CBR4: variants seen among roughly 807,000 people sequenced by gnomAD.
CBR4 encodes the protein 3-oxoacyl-[acyl-carrier-protein] reductase.
CBR4 carries 22 observed loss-of-function variants against 21.0 expected under a neutral mutation model. That is an observed-to-expected ratio of 1.05 (90% CI 0.75 to 1.50). CBR4 has a LOEUF of 1.50. Among genes scored for constraint, CBR4 ranks in the 40% most tolerant of loss-of-function variants. The pLI, the probability that CBR4 is intolerant of heterozygous loss-of-function variation, is 0.00. For synonymous variants in CBR4, 100 were observed against 104.4 expected (o/e 0.96, Z 0.26); for missense variants, 302 against 286.3 (o/e 1.05, Z -0.40).
intron 4 of CBR4, chr4:169,001,352 A>G (rs1457349087): frequency 6.6e-6 from 1 of 152,122 alleles, no homozygotes; most frequent in Admixed American, 6.6e-5. Context: ...TAGCTGTGTA[A>G]CCTTAGGCAA....
intron 2 of CBR4, among the ~76,000 whole-genome samples, chr4:168,943,838 A>G (rs1763327437): frequency 1.3e-5 from 2 of 151,478 alleles, no homozygotes; most frequent in Non-Finnish European, 2.9e-5. Flanking sequence ...TGAACCCGAG[A>G]GGTGGGGGCT....
chr4:168,943,911 A>T (rs1204681387), intron 2 of CBR4, among the ~76,000 whole-genome samples: 1 of 152,140 alleles, frequency 6.6e-6, no homozygotes, highest in Non-Finnish European at 1.5e-5. Context: ...CTCTGTCTCA[A>T]AACAAAACAA....
intron 4 of CBR4, among the ~76,000 whole-genome samples, chr4:168,993,159 T>G (rs1363278019): frequency 6.6e-6 from 1 of 151,148 alleles, no homozygotes; most frequent in East Asian, 1.9e-4. Flanking sequence ...AAGAACAATA[T>G]CATGGGGGTT....
intron 4 of CBR4, among the ~76,000 whole-genome samples, chr4:168,996,903 T>C (rs76148652): frequency 0.012 from 1,754 of 152,282 alleles, 18 homozygotes; most frequent in Non-Finnish European, 0.019. Flanking sequence ...GGACATGACA[T>C]ATAAATGGTC....
exon 3 of CBR4, chr4:168,894,734 C>G: frequency 6.3e-7 from 1 of 1,581,346 alleles, no homozygotes; most frequent in Non-Finnish European, 8.6e-7. Flanking sequence ...CCTTTTCCAT[C>G]TTCCTTATGG....
chr4:168,968,128 C>A (rs1003028320), intron 2 of CBR4, among the ~76,000 whole-genome samples: 1 of 152,170 alleles, frequency 6.6e-6, no homozygotes, highest in African/African-American at 2.4e-5. Flanking sequence ...TAAAAGTCAT[C>A]ATTTGAGGTT....
intron 2 of CBR4, among the ~76,000 whole-genome samples, chr4:168,902,914 G>T (rs554913376): frequency 6.6e-6 from 1 of 152,034 alleles, no homozygotes; most frequent in African/African-American, 2.4e-5. Context: ...TAGGGCTATA[G>T]ACATGCACCA....
At chr4:168,903,157 A>G (rs1756910620) in intron 2 of CBR4, among the ~76,000 whole-genome samples, 1 of 147,090 alleles carries the variant, frequency 6.8e-6, no homozygotes, top group Non-Finnish European at 1.5e-5. Flanking sequence ...GGGATAGGTG[A>G]CAAACATTTA....
chr4:169,009,839 G>C (rs1261323718), intron 1 of CBR4, 109 bp downstream of exon 1: 2 of 1,047,470 alleles, frequency 1.9e-6, no homozygotes, highest in Non-Finnish European at 2.7e-6. Context: ...CGGCTACATC[G>C]AGTAACCCTA....
chr4:169,002,443 A>G (rs937289050), intron 3 of CBR4, among the ~76,000 whole-genome samples: 1 of 152,214 alleles, frequency 6.6e-6, no homozygotes, highest in East Asian at 1.9e-4. Context: ...CAAAACTGCC[A>G]ATGCAGGTGC....
chr4:168,908,170 C>T (rs977607964), intron 2 of CBR4, among the ~76,000 whole-genome samples: 7 of 152,234 alleles, frequency 4.6e-5, no homozygotes, highest in African/African-American at 1.7e-4. Context: ...AGTAAAACCC[C>T]TTCTTTTCTG....
In CBR4 at chr4:168,989,721, A is replaced by T. The variant is rs1009692564; in HGVS notation, c.*429T>A. The T allele has an allele frequency of 1.0e-6, 1 of 981,440 alleles. No homozygotes were observed. Among genetic ancestry groups the T allele is most frequent in the Non-Finnish European group, 1.2e-6 (1 of 826,184 alleles). 60.8% of individuals were successfully genotyped at this position (981,440 alleles called of 1,614,324 possible). A position where few individuals can be genotyped will look rare whatever the true frequency, so the allele number is the denominator to read the frequency against. On this transcript the variant is annotated 3_prime_UTR_variant, in exon 5 of 5. Transcript: ENST00000306193. ...ACTTTTGAGACAAAATATATAAATC[A>T]ATACTTGTTTATATGACTTGCAAAA...
At chr4:168,916,257 C>T (rs1172117123) in intron 2 of CBR4, among the ~76,000 whole-genome samples, 1 of 152,006 alleles carries the variant, frequency 6.6e-6, no homozygotes, top group East Asian at 1.9e-4. Flanking sequence ...ACCAAAAATA[C>T]AAAAGTTAGC....
At chr4:168,921,458 A>G in intron 2 of CBR4, 1 of 863,152 alleles carries the variant, frequency 1.2e-6, no homozygotes, top group South Asian at 1.4e-5. Context: ...GGAGGAATTT[A>G]TGCAGACTTC....
chr4:169,005,300 A>G (rs912771169), intron 3 of CBR4: 5 of 152,292 alleles, frequency 3.3e-5, no homozygotes, highest in Non-Finnish European at 5.9e-5. Context: ...TAGTGTCACT[A>G]AAGTTAGTAT....
At chr4:168,998,648 T>C (rs1765319759) in intron 4 of CBR4, among the ~76,000 whole-genome samples, 1 of 152,182 alleles carries the variant, frequency 6.6e-6, no homozygotes, top group Admixed American at 6.5e-5. Flanking sequence ...CTGAATTGAC[T>C]GAATTGTAAA....
chr4:169,010,100 C>T lies in CBR4; in HGVS notation c.-11G>A, dbSNP rs774840643. 1.9e-6 allele frequency: 3 copies of T among 1,578,098 alleles called. No homozygotes were observed. Among genetic ancestry groups the T allele is most frequent in the African/African-American group, 2.8e-5 (2 of 72,042 alleles). ...ACACACTTTGTCCATCTCGGAGTCA[C>T]AAACTCGGAGGAAAGAGGGTAGGGA... On this transcript the variant is annotated 5_prime_UTR_variant, in exon 1 of 5. The change creates a new upstream start codon in the 5' untranslated region. Coordinates refer to ENST00000306193, the MANE Select transcript of CBR4 (RefSeq NM_032783.5).
chr4:168,972,491 T>C (rs985286911), intron 2 of CBR4, among the ~76,000 whole-genome samples: 1 of 152,256 alleles, frequency 6.6e-6, no homozygotes, highest in East Asian at 1.9e-4. Flanking sequence ...GTAGAGATCT[T>C]ATACTTCCTT....
intron 2 of CBR4, among the ~76,000 whole-genome samples, chr4:168,956,462 G>A (rs1763687309): frequency 1.3e-5 from 2 of 151,924 alleles, no homozygotes; most frequent in Admixed American, 1.3e-4. Context: ...GTTACGCACG[G>A]TGGCGTGTGC....
Sources: gnomAD v4.1 joint callset for allele counts (sites outside exome capture counted in the v4.1 genomes callset) on GRCh38, gnomAD v4.1.1 for gene constraint, MANE v1.5 for transcripts, NCBI Gene and HGNC (gene_info 2026-07-23, HGNC 2026-07-21) for gene names.